ARMC3: variants seen among roughly 807,000 people sequenced by gnomAD.
ARMC3 encodes armadillo repeat-containing protein 3.
A neutral mutation model predicts 90.3 loss-of-function variants in ARMC3; 74 were observed. That is an observed-to-expected ratio of 0.82 (90% CI 0.68 to 0.99). The LOEUF (loss-of-function observed/expected upper bound fraction) is 0.99. Among genes scored for constraint, ARMC3 ranks in the 50% least tolerant of loss-of-function variants. The pLI, the probability that ARMC3 is intolerant of heterozygous loss-of-function variation, is 0.00. For synonymous variants in ARMC3, 334 were observed against 361.8 expected (o/e 0.92, Z 0.87); for missense variants, 958 against 1,042.8 (o/e 0.92, Z 1.12).
chr10:22,962,344 G>C (rs895016880), intron 7 of ARMC3, among the ~76,000 whole-genome samples: 2 of 152,100 alleles, frequency 1.3e-5, no homozygotes, highest in Non-Finnish European at 2.9e-5. Flanking sequence ...CCTAGGGTGA[G>C]TCTTTTAACC....
intron 11 of ARMC3, 88 bp downstream of exon 11, chr10:22,998,485 C>G: frequency 6.7e-7 from 1 of 1,495,078 alleles, no homozygotes; most frequent in Non-Finnish European, 9.0e-7. Flanking sequence ...GTGATTGAAC[C>G]TACCTGTCAT....
At chr10:22,948,659 C>G (rs138245314) in intron 3 of ARMC3, among the ~76,000 whole-genome samples, 1 of 151,862 alleles carries the variant, frequency 6.6e-6, no homozygotes, top group African/African-American at 2.4e-5. Context: ...CACTGAGAGA[C>G]GGGAAACAAG....
chr10:22,950,607 A>G (rs1834706543), intron 3 of ARMC3, among the ~76,000 whole-genome samples: 1 of 152,152 alleles, frequency 6.6e-6, no homozygotes, highest in Non-Finnish European at 1.5e-5. Context: ...AAAAAACGAG[A>G]TGGTGGATTT....
chr10:23,034,751 C>T (rs974675622), intron 18 of ARMC3, among the ~76,000 whole-genome samples: 1 of 152,212 alleles, frequency 6.6e-6, no homozygotes, highest in South Asian at 2.1e-4. Context: ...AGAACACCTC[C>T]AGGTCTCTCT....
At position 22,981,483 on chromosome 10, in the gene ARMC3, A is replaced by G. The variant is rs1836183919; in HGVS notation, c.1060A>G (p.Asn354Asp). ...GAATTCAGGCAGCAAAGATTTTTTCAATAATCAGGGTAAGTCAACTGGAAA... is the reference window on the plus strand; with the variant it reads ...GAATTCAGGCAGCAAAGATTTTTTCGATAATCAGGGTAAGTCAACTGGAAA... Reference protein sequence around the residue: ...CENSGSKDFFNNQGIPQLIQL... With the variant: ...CENSGSKDFFDNQGIPQLIQL... The change falls in exon 9 of 19, where the codon AAT (asparagine) becomes GAT (aspartate). Residue 354 changes from asparagine to aspartate, a missense_variant. By Grantham distance (23) the Asn-to-Asp change is conservative. Transcript: ENST00000298032. 1.9e-6 allele frequency: 3 copies of G among 1,613,630 alleles called. No individual in the cohort carries two copies. Among genetic ancestry groups the G allele is most frequent in the Non-Finnish European group, 2.5e-6 (3 of 1,179,928 alleles).
chr10:23,028,072 G>C (rs952528037), intron 16 of ARMC3, among the ~76,000 whole-genome samples: 1 of 152,196 alleles, frequency 6.6e-6, no homozygotes, highest in African/African-American at 2.4e-5. Flanking sequence ...AGCACTGGAA[G>C]TTTGAGGCTA....
intron 16 of ARMC3, 54 bp downstream of exon 16, chr10:23,008,985 G>A: frequency 2.0e-6 from 3 of 1,466,368 alleles, no homozygotes; most frequent in Non-Finnish European, 2.8e-6. Flanking sequence ...GGAAGGGAGG[G>A]GTGGCTCTTC....
At chr10:22,952,058 GA>G (rs1185294035) in intron 3 of ARMC3, among the ~76,000 whole-genome samples, 1 of 152,138 alleles carries the variant, frequency 6.6e-6, no homozygotes, top group Non-Finnish European at 1.5e-5. Context: ...CAGGGAGGTG[GA>G]GGTTGCAGTG....
At chr10:23,003,948 A>G (rs1837450365) in intron 13 of ARMC3, among the ~76,000 whole-genome samples, 1 of 152,172 alleles carries the variant, frequency 6.6e-6, no homozygotes, top group African/African-American at 2.4e-5. Context: ...GGAGTTCAAG[A>G]TCAGCCTGGG....
At chr10:22,958,173 G>C (rs1265897967) in intron 4 of ARMC3, among the ~76,000 whole-genome samples, 1 of 152,150 alleles carries the variant, frequency 6.6e-6, no homozygotes, top group Non-Finnish European at 1.5e-5. Context: ...TCATGCAGGT[G>C]GTTAGTAGTG....
At chr10:22,992,630 G>A (rs1836761186) in intron 10 of ARMC3, among the ~76,000 whole-genome samples, 1 of 152,262 alleles carries the variant, frequency 6.6e-6, no homozygotes, top group South Asian at 2.1e-4. Context: ...TCAACCTGGA[G>A]TTCAGCCAGA....
At chr10:22,959,899 T>A in intron 6 of ARMC3, 1 of 470,444 alleles carries the variant, frequency 2.1e-6, no homozygotes. Flanking sequence ...TACTATTGAC[T>A]GAACCCTGGT....
chr10:22,963,726 C>G (rs1835301256), intron 7 of ARMC3, among the ~76,000 whole-genome samples: 2 of 151,670 alleles, frequency 1.3e-5, no homozygotes, highest in Non-Finnish European at 2.9e-5. Flanking sequence ...CCCGTCTCTA[C>G]TAAAAATACA....
intron 16 of ARMC3, among the ~76,000 whole-genome samples, chr10:23,022,007 G>A (rs1838531687): frequency 6.6e-6 from 1 of 151,712 alleles, no homozygotes; most frequent in African/African-American, 2.4e-5. Context: ...TTTATAGATT[G>A]TGCTTTTGGT....
intron 2 of ARMC3, among the ~76,000 whole-genome samples, chr10:22,938,175 G>T (rs1252814262): frequency 1.3e-5 from 2 of 152,142 alleles, no homozygotes; most frequent in African/African-American, 4.8e-5. Context: ...AAATGAGGGG[G>T]TAATCTGTGC....
chr10:23,014,875 T>G (rs1588924895), intron 16 of ARMC3, among the ~76,000 whole-genome samples: 2 of 121,884 alleles, frequency 1.6e-5, no homozygotes, highest in African/African-American at 3.3e-5. Flanking sequence ...ACCTGAGTGA[T>G]GAGATAATCT....
chr10:23,022,589 A>T (rs933958726), intron 16 of ARMC3, among the ~76,000 whole-genome samples: 1 of 152,190 alleles, frequency 6.6e-6, no homozygotes, highest in Non-Finnish European at 1.5e-5. Context: ...GTCATTTGAC[A>T]ACACTAGGCA....
intron 18 of ARMC3, among the ~76,000 whole-genome samples, chr10:23,034,962 G>A (rs1019073439): frequency 3.9e-5 from 6 of 152,178 alleles, no homozygotes; most frequent in African/African-American, 1.4e-4. Context: ...CTCTATATGA[G>A]TGTCTCATAG....
At position 23,008,931 on chromosome 10, in the gene ARMC3, G is replaced by C; in HGVS notation, c.2045G>C (p.Arg682Thr). The C allele has an allele frequency of 6.2e-7, 1 of 1,612,130 alleles. No individual in the cohort carries two copies. The highest frequency in any genetic ancestry group is 8.5e-7 in the Non-Finnish European group (1 of 1,178,796). The change falls in exon 16 of 19, where the codon AGG becomes ACG. Residue 682 changes from arginine (R) to threonine (T), a missense_variant and splice_region_variant. By Grantham distance (71) the Arg-to-Thr change is moderately conservative. Transcript: ENST00000298032. ...AGCGCCACCAAAGAAAAAGGATGGAGGTAAGAAAGTGTCCTGAGTTCCTCA... is the reference window on the plus strand; with the variant it reads ...AGCGCCACCAAAGAAAAAGGATGGACGTAAGAAAGTGTCCTGAGTTCCTCA... ...SKSATKEKGW[R>T]KSKGKKEEEK...
Sources: allele counts gnomAD v4.1 joint callset (sites outside exome capture counted in the v4.1 genomes callset), GRCh38; gene constraint gnomAD v4.1.1; transcripts MANE v1.5; gene names NCBI Gene and HGNC (gene_info 2026-07-23, HGNC 2026-07-21).